Variants in PAH observed in about 807,000 individuals in gnomAD.
PAH encodes the protein phenylalanine-4-hydroxylase.
In PAH, 64 loss-of-function variants were observed where a neutral mutation model predicts 62.0. The ratio of observed to expected loss-of-function variants is 1.03; its 90% CI spans 0.84 to 1.27. The LOEUF (loss-of-function observed/expected upper bound fraction) is 1.27. Among genes scored for constraint, PAH ranks in the 50% most tolerant of loss-of-function variants. PAH has a pLI of 0.00. For synonymous variants in PAH, 195 were observed against 196.2 expected, an observed-to-expected ratio of 0.99 and a Z score of 0.05; for missense variants, 579 against 542.8, an observed-to-expected ratio of 1.07 and a Z score of -0.66.
chr12:102,857,468 G>A (rs1044833366), intron 5 of PAH, among the ~76,000 whole-genome samples: 1 of 152,168 alleles, frequency 6.6e-6, no homozygotes, highest in African/African-American at 2.4e-5. Context: ...AGGAAATACA[G>A]AGAATGCCAC....
chr12:102,929,227 C>A (rs1024799219), intron 1 of PAH, among the ~76,000 whole-genome samples: 3 of 152,088 alleles, frequency 2.0e-5, no homozygotes, highest in African/African-American at 7.2e-5. Flanking sequence ...TCTTTATTAG[C>A]AGCATGAGAA....
chr12:102,957,807 G>T lies in PAH; in HGVS notation c.-96+388C>A. ...AATAAAAACAGCCTGAGCCACGGCT[G>T]GAGAGACCGAGACCCGGCGCAAGAG... On this transcript the variant is annotated intron_variant, in intron 1 of 4. Transcript: ENST00000551337. This position sits in a 1 kb window ranked among gnomAD's most constrained non-coding sequence, Gnocchi z 4.1. 1 of 161,352 alleles carries T rather than the reference G, an allele frequency of 6.2e-6. No homozygotes were observed. The allele number at this position is 161,352 out of a possible 1,614,324, so 10.0% of individuals were successfully genotyped here. A position where few individuals can be genotyped will look rare whatever the true frequency, so the allele number is the denominator to read the frequency against.
intron 2 of PAH, among the ~76,000 whole-genome samples, chr12:102,903,174 A>G (rs967200941): frequency 2.0e-5 from 3 of 152,214 alleles, no homozygotes; most frequent in African/African-American, 7.2e-5. Context: ...CAGCCTGGCC[A>G]ACATAGTGAA....
intron 1 of PAH, among the ~76,000 whole-genome samples, chr12:102,934,740 A>T (rs1046690129): frequency 5.3e-5 from 8 of 152,052 alleles, no homozygotes; most frequent in Non-Finnish European, 1.0e-4. Context: ...GGCATATAGA[A>T]ATGCTACTGA....
At chr12:102,913,429 C>T (rs1785777629) in intron 1 of PAH, among the ~76,000 whole-genome samples, 1 of 152,148 alleles carries the variant, frequency 6.6e-6, no homozygotes, top group African/African-American at 2.4e-5. Context: ...GATTGGAATC[C>T]TCTCTCTTTC....
chr12:102,887,577 A>T (rs1282780425), intron 3 of PAH, among the ~76,000 whole-genome samples: 1 of 152,100 alleles, frequency 6.6e-6, no homozygotes, highest in Admixed American at 6.5e-5. Flanking sequence ...AGCTCTCCCT[A>T]TTGAAACTTA....
At chr12:102,864,365 GA>G (rs1875855992) in intron 5 of PAH, among the ~76,000 whole-genome samples, 1 of 152,134 alleles carries the variant, frequency 6.6e-6, no homozygotes, top group African/African-American at 2.4e-5. Context: ...ACCAGCCCCT[GA>G]AGTCTAAAGC....
intron 3 of PAH, among the ~76,000 whole-genome samples, chr12:102,879,098 CCT>C (rs1876706576): frequency 1.3e-5 from 2 of 152,068 alleles, no homozygotes; most frequent in East Asian, 1.9e-4. Context: ...GCCTACTTAT[CCT>C]CTCTGTGTCT....
At chr12:102,844,874 C>T (rs746208755) in intron 9 of PAH, among the ~76,000 whole-genome samples, 1 of 152,152 alleles carries the variant, frequency 6.6e-6, no homozygotes, top group Non-Finnish European at 1.5e-5. Context: ...TGAACTTTGA[C>T]TAATCTACGC....
chr12:102,938,891 CT>C (rs1879194309), intron 1 of PAH, among the ~76,000 whole-genome samples: 1 of 152,202 alleles, frequency 6.6e-6, no homozygotes, highest in African/African-American at 2.4e-5. Flanking sequence ...CAGCCACCTT[CT>C]CACTTCAGTT....
chr12:102,954,339 G>C (rs1167100583), upstream of PAH, among the ~76,000 whole-genome samples: 5 of 152,236 alleles, frequency 3.3e-5, no homozygotes, highest in African/African-American at 1.2e-4. Flanking sequence ...CCATTGGCTG[G>C]AGTGATGATC....
chr12:102,942,172 A>C (rs1198960152), intron 1 of PAH, among the ~76,000 whole-genome samples: 2 of 152,116 alleles, frequency 1.3e-5, no homozygotes, highest in Non-Finnish European at 2.9e-5. Flanking sequence ...AGAAAACCCC[A>C]TTGTGTCTGC....
chr12:102,841,827 A>G (rs1874609044), intron 11 of PAH, among the ~76,000 whole-genome samples: 1 of 152,120 alleles, frequency 6.6e-6, no homozygotes. Context: ...TCCAGAAGTC[A>G]GTATTCGGTG....
intron 2 of PAH, among the ~76,000 whole-genome samples, chr12:102,911,563 T>C (rs183614918): frequency 6.3e-4 from 96 of 152,324 alleles, no homozygotes; most frequent in Non-Finnish European, 7.1e-4. Context: ...TTAGACTGAA[T>C]AAGATCATGT....
intron 1 of PAH, among the ~76,000 whole-genome samples, chr12:102,930,832 G>A (rs1260421460): frequency 6.6e-6 from 1 of 152,126 alleles, no homozygotes; most frequent in Non-Finnish European, 1.5e-5. Context: ...CAATGTATGA[G>A]AATTCCTGTT....
chr12:102,845,182 T>C (rs1053330902), intron 9 of PAH, among the ~76,000 whole-genome samples: 1 of 152,214 alleles, frequency 6.6e-6, no homozygotes, highest in African/African-American at 2.4e-5. Flanking sequence ...GTGTCCTGTG[T>C]CTCACTCTAT....
intron 7 of PAH, 116 bp downstream of exon 7, chr12:102,852,699 A>T (rs1361251173): frequency 1.6e-6 from 2 of 1,266,294 alleles, no homozygotes; most frequent in East Asian, 2.3e-5. Context: ...ACCAGCAAAC[A>T]GTCTAGACAA....
chr12:102,921,401 C>T (rs149104637), upstream of PAH, among the ~76,000 whole-genome samples: 10 of 152,262 alleles, frequency 6.6e-5, no homozygotes, highest in African/African-American at 2.2e-4. Flanking sequence ...TTTCTGTTAG[C>T]TCTGTGTCCA....
At chr12:102,884,534 G>GC (rs1368749086) in intron 3 of PAH, among the ~76,000 whole-genome samples, 1 of 152,100 alleles carries the variant, frequency 6.6e-6, no homozygotes, top group Non-Finnish European at 1.5e-5. Flanking sequence ...CTTAATTCCT[G>GC]CGTCTCTGGC....
Sources: allele counts gnomAD v4.1 joint callset (sites outside exome capture counted in the v4.1 genomes callset), GRCh38; gene constraint gnomAD v4.1.1; non-coding constraint Gnocchi (gnomAD v3.1); transcripts MANE v1.5; gene names NCBI Gene and HGNC (gene_info 2026-07-23, HGNC 2026-07-21).